The following NTSR1 variants were observed in gnomAD, a reference collection of about 807,000 sequenced individuals.
The protein encoded by NTSR1 is neurotensin receptor 1, also known as neurotensin receptor type 1.
A neutral mutation model predicts 31.2 loss-of-function variants in NTSR1; 29 were observed. That is an observed-to-expected ratio of 0.93 (90% CI 0.69 to 1.27). The LOEUF is 1.27. NTSR1 is among the 50% of genes most tolerant of loss of function. The pLI, the probability that NTSR1 is intolerant of heterozygous loss-of-function variation, is 0.00. For synonymous variants in NTSR1, 282 were observed against 269.9 expected, an observed-to-expected ratio of 1.04 and a Z score of -0.44; for missense variants, 697 against 595.4, an observed-to-expected ratio of 1.17 and a Z score of -1.78.
intron 1 of NTSR1, among the ~76,000 whole-genome samples, chr20:62,740,630 C>T (rs1989188895): frequency 6.6e-6 from 1 of 152,202 alleles, no homozygotes; most frequent in Non-Finnish European, 1.5e-5. Flanking sequence ...CCACGGTTTC[C>T]TCATCTGAGA....
intron 1 of NTSR1, among the ~76,000 whole-genome samples, chr20:62,737,730 C>T (rs368632560): frequency 6.6e-6 from 1 of 152,124 alleles, no homozygotes; most frequent in African/African-American, 2.4e-5. Context: ...CTCCCTGGCC[C>T]CACCCCTGAG....
chr20:62,738,917 A>G (rs543949991), intron 1 of NTSR1, among the ~76,000 whole-genome samples: 97 of 152,336 alleles, frequency 6.4e-4, no homozygotes, highest in African/African-American at 2.1e-3. Flanking sequence ...AGCGAGGCCA[A>G]AATCCTGGGC....
intron 1 of NTSR1, among the ~76,000 whole-genome samples, chr20:62,740,081 G>GGTCTCTGGGCTT: frequency 6.6e-6 from 1 of 152,380 alleles, no homozygotes; most frequent in Admixed American, 6.5e-5. Context: ...TGCGTTTGCA[G>GGTCTCTGGGCTT]GTCTCTGGGC....
At chr20:62,739,958 T>A (rs1437600338) in intron 1 of NTSR1, among the ~76,000 whole-genome samples, 1 of 152,238 alleles carries the variant, frequency 6.6e-6, no homozygotes, top group East Asian at 1.9e-4. Flanking sequence ...CTGGGACTGC[T>A]GGCCCCTGGC....
intron 1 of NTSR1, among the ~76,000 whole-genome samples, chr20:62,737,613 T>C (rs929545447): frequency 6.6e-6 from 1 of 152,062 alleles, no homozygotes; most frequent in African/African-American, 2.4e-5. Context: ...TGGAGAGAGA[T>C]GCCGTCCCTG....
chr20:62,756,775 T>C (rs970058075), intron 2 of NTSR1: 2 of 152,278 alleles, frequency 1.3e-5, no homozygotes, highest in African/African-American at 4.8e-5. Flanking sequence ...GTTTTAATAG[T>C]AGCCATCCTA....
intron 1 of NTSR1, among the ~76,000 whole-genome samples, chr20:62,746,521 G>A (rs1471099793): frequency 2.0e-5 from 3 of 152,262 alleles, no homozygotes; most frequent in Admixed American, 2.0e-4. Context: ...GGAGAAAGGT[G>A]GAGGGAAGCT....
At position 62,743,791 on chromosome 20, in the gene NTSR1, T is replaced by C. The variant is rs1169405255; in HGVS notation, c.715-10894T>C. 6.6e-6 allele frequency among the ~76,000 whole-genome samples: 1 copy of C among 152,180 alleles called. No individual in the cohort carries two copies. Among genetic ancestry groups the C allele is most frequent in the Non-Finnish European group, 1.5e-5 (1 of 68,028 alleles). ...GAAAGGCAGAATACAAAACAAGCAATTGCTCTCGAAGAGCGAGGTGAGAAC... is the reference window on the plus strand; with the variant it reads ...GAAAGGCAGAATACAAAACAAGCAACTGCTCTCGAAGAGCGAGGTGAGAAC... On this transcript the variant is annotated intron_variant, in intron 1 of 3. Coordinates refer to ENST00000370501, the MANE Select transcript of NTSR1 (RefSeq NM_002531.3). This position sits in a 1 kb window ranked among gnomAD's most constrained non-coding sequence, Gnocchi z 7.5.
At position 62,743,780 on chromosome 20, in the gene NTSR1, A is replaced by C. The variant is rs1422843754; in HGVS notation, c.715-10905A>C. On this transcript the variant is annotated intron_variant, in intron 1 of 3. Transcript: ENST00000370501. The surrounding 1 kb of genome is among the most constrained non-coding windows in gnomAD (Gnocchi z 7.5). ...TGAATTAGAGAGAAAGGCAGAATAC[A>C]AAACAAGCAATTGCTCTCGAAGAGC... Among the ~76,000 whole-genome samples the C allele has an allele frequency of 6.6e-6, 1 of 152,246 alleles. No individual in the cohort carries two copies. Among genetic ancestry groups the C allele is most frequent in the South Asian group, 2.1e-4 (1 of 4,838 alleles).
At chr20:62,718,976 T>A (rs1402497990) in intron 1 of NTSR1, among the ~76,000 whole-genome samples, 1 of 152,192 alleles carries the variant, frequency 6.6e-6, no homozygotes, top group Non-Finnish European at 1.5e-5. Context: ...ACCCTAGCCT[T>A]AACCCACATG....
chr20:62,740,406 G>A (rs1053744096), intron 1 of NTSR1, among the ~76,000 whole-genome samples: 9 of 149,362 alleles, frequency 6.0e-5, no homozygotes, highest in African/African-American at 2.0e-4. Context: ...GAAAAGGGTT[G>A]TGGGGCTCAT....
intron 1 of NTSR1, among the ~76,000 whole-genome samples, chr20:62,723,521 C>T (rs1398478401): frequency 6.6e-6 from 1 of 152,230 alleles, no homozygotes; most frequent in Non-Finnish European, 1.5e-5. Flanking sequence ...CAGTAGGAAG[C>T]GGCTGTCGGG....
At chr20:62,712,980 G>A (rs1003010855) in intron 1 of NTSR1, among the ~76,000 whole-genome samples, 1 of 152,214 alleles carries the variant, frequency 6.6e-6, no homozygotes, top group African/African-American at 2.4e-5. Flanking sequence ...GTGTCCAGGG[G>A]CCCACAGTGG....
At chr20:62,728,281 C>T (rs1238471833) in intron 1 of NTSR1, among the ~76,000 whole-genome samples, 1 of 152,144 alleles carries the variant, frequency 6.6e-6, no homozygotes, top group African/African-American at 2.4e-5. Flanking sequence ...CTCTCTTTCC[C>T]TCCCCGGCTA....
intron 1 of NTSR1, among the ~76,000 whole-genome samples, chr20:62,719,526 C>CGGTACATCGT (rs1809579842): frequency 1.3e-5 from 2 of 152,010 alleles, no homozygotes; most frequent in Non-Finnish European, 2.9e-5. Flanking sequence ...CCCTCCCTCT[C>CGGTACATCGT]CAGAGCTCTT....
chr20:62,738,600 T>C (rs1989147067), intron 1 of NTSR1, among the ~76,000 whole-genome samples: 1 of 152,242 alleles, frequency 6.6e-6, no homozygotes, highest in African/African-American at 2.4e-5. Flanking sequence ...GCCCTCTGGC[T>C]TTCATGGGCT....
At position 62,745,709 on chromosome 20, in the gene NTSR1, G is replaced by A. The variant is rs961579357; in HGVS notation, c.715-8976G>A. On this transcript the variant is annotated intron_variant, in intron 1 of 3. Transcript: ENST00000370501. The surrounding 1 kb of genome is among the most constrained non-coding windows in gnomAD (Gnocchi z 4.1). ...GCCTCGCCTCCAAATCCAGCTTGGC[G>A]TGGACCTCGCTGGGACTGGATGGCC... is the stretch of plus-strand genomic sequence containing the variant. 1.3e-5 allele frequency among the ~76,000 whole-genome samples: 2 copies of A among 152,254 alleles called. No homozygotes were observed. Among genetic ancestry groups the A allele is most frequent in the Admixed American group, 1.3e-4 (2 of 15,290 alleles).
intron 2 of NTSR1, chr20:62,756,496 GC>G (rs1989515872): frequency 6.6e-6 from 1 of 152,320 alleles, no homozygotes; most frequent in African/African-American, 2.4e-5. Context: ...CCTCCCTGGT[GC>G]TGGCCCATTT....
intron 1 of NTSR1, among the ~76,000 whole-genome samples, chr20:62,739,925 C>T (rs902410195): frequency 6.6e-6 from 1 of 152,266 alleles, no homozygotes; most frequent in Non-Finnish European, 1.5e-5. Context: ...AATCTGTGCT[C>T]TGACATGGAA....
Sources: gnomAD v4.1 joint callset for allele counts (sites outside exome capture counted in the v4.1 genomes callset) on GRCh38, gnomAD v4.1.1 for gene constraint, Gnocchi (gnomAD v3.1) non-coding constraint, MANE v1.5 for transcripts, NCBI Gene and HGNC (gene_info 2026-07-23, HGNC 2026-07-21) for gene names.